Variants in MREG observed in about 807,000 individuals in gnomAD.
MREG encodes the protein melanoregulin.
In MREG, 31 loss-of-function variants were observed where a neutral mutation model predicts 28.5. That is an observed-to-expected ratio of 1.09 (90% CI 0.82 to 1.47). The LOEUF (loss-of-function observed/expected upper bound fraction) is 1.47. Ranked by LOEUF, MREG falls within the 40% of genes most tolerant of loss-of-function variation. The pLI is 0.00. For synonymous variants in MREG, 106 were observed against 95.2 expected, an observed-to-expected ratio of 1.11 and a Z score of -0.66; for missense variants, 256 against 257.4, an observed-to-expected ratio of 0.99 and a Z score of 0.04.
intron 1 of MREG, among the ~76,000 whole-genome samples, chr2:216,031,290 C>A (rs1241007703): frequency 6.6e-6 from 1 of 151,824 alleles, no homozygotes; most frequent in African/African-American, 2.4e-5. Context: ...GCCTGTAAAC[C>A]CAGCTACTTG....
intron 2 of MREG, among the ~76,000 whole-genome samples, chr2:215,969,059 T>C (rs149138168): frequency 1.7e-3 from 265 of 152,304 alleles, no homozygotes; most frequent in African/African-American, 5.9e-3. Flanking sequence ...GCACCTGGCA[T>C]TGTCTGATAA....
intron 2 of MREG, among the ~76,000 whole-genome samples, chr2:215,993,808 A>G (rs1693783195): frequency 6.6e-6 from 1 of 152,256 alleles, no homozygotes; most frequent in Non-Finnish European, 1.5e-5. Flanking sequence ...CAAACATATG[A>G]AAAAAGCTCA....
chr2:216,007,403 T>TTTTATTTATTTATTTATTTA (rs113045457), intron 1 of MREG, among the ~76,000 whole-genome samples: 1 of 142,764 alleles, frequency 7.0e-6, no homozygotes, highest in Non-Finnish European at 1.5e-5. Context: ...CTTAGCAACA[T>TTTTATTTATTTATTTATTTA]TTTATTTATT....
At chr2:215,959,304 G>A (rs73988061) in intron 2 of MREG, among the ~76,000 whole-genome samples, 5,728 of 150,892 alleles carry the variant, frequency 0.038, 357 homozygotes, top group African/African-American at 0.12. Flanking sequence ...CCAAGTGGAC[G>A]GGCTGCTGAC....
intron 2 of MREG, among the ~76,000 whole-genome samples, chr2:215,949,485 C>T (rs893987966): frequency 8.6e-5 from 13 of 151,080 alleles, no homozygotes; most frequent in Non-Finnish European, 1.6e-4. Context: ...TGCTTGAACC[C>T]GGGAGGCAGA....
intron 4 of MREG, 80 bp downstream of exon 4, chr2:215,945,491 A>G: frequency 6.6e-7 from 1 of 1,505,092 alleles, no homozygotes; most frequent in Non-Finnish European, 9.0e-7. Context: ...TGGTGTTGGA[A>G]TACGGAGGAT....
chr2:215,961,727 TCTC>T (rs1435189665), intron 2 of MREG, among the ~76,000 whole-genome samples: 1 of 151,998 alleles, frequency 6.6e-6, no homozygotes, highest in East Asian at 1.9e-4. Flanking sequence ...ACACCCAGCC[TCTC>T]CTCCTTTTTG....
At chr2:215,988,993 G>A (rs753014052) in intron 2 of MREG, among the ~76,000 whole-genome samples, 1 of 152,218 alleles carries the variant, frequency 6.6e-6, no homozygotes, top group Non-Finnish European at 1.5e-5. Flanking sequence ...GTTCCTGCCT[G>A]CCGGCTCTGA....
chr2:216,009,850 A>G (rs2372682), intron 1 of MREG, among the ~76,000 whole-genome samples: 30,992 of 151,970 alleles, frequency 0.2, 3,374 homozygotes, highest in Non-Finnish European at 0.25. Flanking sequence ...GTAGATTTTT[A>G]TATGGCAAGA....
rs1694374479 is a variant in MREG at position 216,013,488 on chromosome 2, C to T, written c.-161G>A. ...GCGCGCATCACGCCGCGGCCGGGGACGCGGGCGAGGGCTGCAGGCCGCGCG... is the reference window on the plus strand; with the variant it reads ...GCGCGCATCACGCCGCGGCCGGGGATGCGGGCGAGGGCTGCAGGCCGCGCG... On this transcript the variant is annotated 5_prime_UTR_variant, in exon 1 of 5. Coordinates refer to ENST00000263268, the MANE Select transcript of MREG (RefSeq NM_018000.3). 4.4e-6 allele frequency: 1 copy of T among 229,618 alleles called. No individual in the cohort carries two copies. The highest frequency in any genetic ancestry group is 8.0e-6 in the Non-Finnish European group (1 of 125,568). 14.2% of individuals were successfully genotyped at this position (229,618 alleles called of 1,614,324 possible).
intron 2 of MREG, among the ~76,000 whole-genome samples, chr2:215,981,383 G>A (rs904094283): frequency 6.6e-6 from 1 of 152,216 alleles, no homozygotes; most frequent in Non-Finnish European, 1.5e-5. Context: ...GAAACATTAC[G>A]CTAAGTGAAG....
chr2:215,960,234 C>A (rs149588708), intron 2 of MREG, among the ~76,000 whole-genome samples: 2 of 152,204 alleles, frequency 1.3e-5, no homozygotes, highest in Admixed American at 1.3e-4. Context: ...GGATTACAGG[C>A]GTAAGCCACC....
At chr2:215,946,321 A>G (rs1243273136) in intron 3 of MREG, among the ~76,000 whole-genome samples, 2 of 151,792 alleles carry the variant, frequency 1.3e-5, no homozygotes, top group Non-Finnish European at 2.9e-5. Flanking sequence ...TTGCATGCCA[A>G]CCAAAGCCAT....
chr2:215,987,879 G>A (rs1693615737), intron 2 of MREG, among the ~76,000 whole-genome samples: 1 of 151,150 alleles, frequency 6.6e-6, no homozygotes, highest in Non-Finnish European at 1.5e-5. Context: ...CTCCAGCCTG[G>A]GCAACAAGAG....
intron 1 of MREG, among the ~76,000 whole-genome samples, chr2:216,003,111 A>G (rs1694060909): frequency 6.6e-6 from 1 of 151,892 alleles, no homozygotes; most frequent in African/African-American, 2.4e-5. Flanking sequence ...TTTTTGAAAC[A>G]GAGTCTTGCT....
intron 2 of MREG, among the ~76,000 whole-genome samples, chr2:215,987,878 G>A (rs1693615677): frequency 6.6e-6 from 1 of 151,548 alleles, no homozygotes; most frequent in Non-Finnish European, 1.5e-5. Flanking sequence ...ACTCCAGCCT[G>A]GGCAACAAGA....
chr2:215,998,282 G>A (rs1395689033), intron 1 of MREG, among the ~76,000 whole-genome samples: 1 of 148,522 alleles, frequency 6.7e-6, no homozygotes, highest in East Asian at 1.9e-4. Flanking sequence ...TCCAGTCTGG[G>A]CGACAAGAGC....
intron 1 of MREG, among the ~76,000 whole-genome samples, chr2:216,024,979 GGAAAAGGAAAA>G (rs1694574591): frequency 6.8e-6 from 1 of 147,038 alleles, no homozygotes. Context: ...AAAGGAAAAA[GGAAAAGGAAAA>G]GGAAAGGAAA....
intron 1 of MREG, among the ~76,000 whole-genome samples, chr2:216,019,977 C>T (rs965129072): frequency 1.3e-5 from 2 of 152,064 alleles, no homozygotes; most frequent in Non-Finnish European, 2.9e-5. Context: ...ACTTCATACT[C>T]GGGAATAATT....
Sources: gnomAD v4.1 joint callset for allele counts (sites outside exome capture counted in the v4.1 genomes callset) on GRCh38, gnomAD v4.1.1 for gene constraint, MANE v1.5 for transcripts, NCBI Gene and HGNC (gene_info 2026-07-23, HGNC 2026-07-21) for gene names.